The following BAZ1B variants were observed in gnomAD, a reference collection of about 807,000 sequenced individuals.
The protein encoded by BAZ1B is tyrosine-protein kinase BAZ1B.
Under a neutral mutation model 153.8 loss-of-function variants are expected in BAZ1B, and 22 were observed. That is an observed-to-expected ratio of 0.14 (90% CI 0.10 to 0.20). BAZ1B has a LOEUF of 0.20. BAZ1B is among the 10% of genes least tolerant of loss of function. BAZ1B has a pLI of 1.00. For synonymous variants in BAZ1B, 676 were observed against 633.4 expected, an observed-to-expected ratio of 1.07 and a Z score of -1.01; for missense variants, 1,325 against 1,799.3, an observed-to-expected ratio of 0.74 and a Z score of 4.77.
intron 15 of BAZ1B, among the ~76,000 whole-genome samples, chr7:73,449,236 A>T (rs1212219687): frequency 6.6e-6 from 1 of 152,222 alleles, no homozygotes; most frequent in Admixed American, 6.5e-5. Context: ...AGAAGTAATC[A>T]TGAAGACACA....
At chr7:73,480,664 A>C (rs1200345594) in intron 6 of BAZ1B, among the ~76,000 whole-genome samples, 5 of 152,214 alleles carry the variant, frequency 3.3e-5, no homozygotes, top group African/African-American at 9.7e-5. Flanking sequence ...TTTCAACAGA[A>C]GGGACTAACC....
Position 73,450,707 on chromosome 7 carries a change from T to A in BAZ1B, c.3580+140A>T, listed in dbSNP as rs1788002243. 2 of 965,192 alleles carry A rather than the reference T, an allele frequency of 2.1e-6. No homozygotes were observed. The highest frequency in any genetic ancestry group is 5.2e-5 in the East Asian group (2 of 38,582). 59.8% of individuals were successfully genotyped at this position (965,192 alleles called of 1,614,324 possible). On this transcript the variant is annotated intron_variant, in intron 14 of 19. Coordinates refer to ENST00000339594, the MANE Select transcript of BAZ1B (RefSeq NM_032408.4). The surrounding 1 kb of genome is among the most constrained non-coding windows in gnomAD (Gnocchi z 4.1). ...CACGACATTTCAAAGACTGGCATGT[T>A]ACAGACCTGCAGGAGAGTAAAATCT...
At chr7:73,454,588 G>A (rs1788128029) in intron 13 of BAZ1B, among the ~76,000 whole-genome samples, 2 of 152,170 alleles carry the variant, frequency 1.3e-5, no homozygotes, top group Non-Finnish European at 2.9e-5. Context: ...TAAATGGGGA[G>A]GACAAACAAG....
intron 1 of BAZ1B, among the ~76,000 whole-genome samples, chr7:73,513,868 T>TA (rs1230687919): frequency 6.7e-6 from 1 of 148,772 alleles, no homozygotes; most frequent in Non-Finnish European, 1.5e-5. Context: ...AAAAAACTAT[T>TA]AAAAGAAAAA....
At position 73,522,082 on chromosome 7, in the gene BAZ1B, C is replaced by A. The variant is rs1389253803; in HGVS notation, c.-149G>T. On this transcript the variant is annotated 5_prime_UTR_variant, in exon 1 of 20. Transcript: ENST00000339594. ...GGCGGCGCGAACTCCGGCTCCCTCA[C>A]CGCCGGCGCGGCCGCGCGACAGTCA... The A allele has an allele frequency of 2.1e-6, 1 of 487,010 alleles. No homozygotes were observed. Among genetic ancestry groups the A allele is most frequent in the African/African-American group, 2.0e-5 (1 of 49,898 alleles). 30.2% of individuals were successfully genotyped at this position (487,010 alleles called of 1,614,324 possible).
intron 4 of BAZ1B, among the ~76,000 whole-genome samples, chr7:73,496,804 G>A (rs1228818505): frequency 6.6e-6 from 1 of 151,992 alleles, no homozygotes; most frequent in African/African-American, 2.4e-5. Flanking sequence ...CAGCATGGGG[G>A]TTAGGGCTCT....
intron 1 of BAZ1B, among the ~76,000 whole-genome samples, chr7:73,515,808 C>G (rs1790775607): frequency 6.6e-6 from 1 of 152,138 alleles, no homozygotes; most frequent in Non-Finnish European, 1.5e-5. Flanking sequence ...TCCCAAAGTG[C>G]TGGCATGAAC....
intron 3 of BAZ1B, among the ~76,000 whole-genome samples, chr7:73,505,618 T>C (rs1048981756): frequency 3.4e-5 from 5 of 149,076 alleles, no homozygotes; most frequent in East Asian, 1.9e-4. Flanking sequence ...AATTAAACAT[T>C]TGTCCTGAGA....
intron 1 of BAZ1B, among the ~76,000 whole-genome samples, chr7:73,521,366 C>T (rs1303648659): frequency 6.6e-6 from 1 of 152,170 alleles, no homozygotes; most frequent in Non-Finnish European, 1.5e-5. Flanking sequence ...GTCTTGCACA[C>T]GCCGCATCAC....
chr7:73,449,988 TTGC>T (rs1213939778), intron 14 of BAZ1B, among the ~76,000 whole-genome samples: 5 of 152,100 alleles, frequency 3.3e-5, no homozygotes, highest in Non-Finnish European at 7.4e-5. Flanking sequence ...GTAGGAAATT[TTGC>T]TGCTTTTTCG....
At position 73,508,312 on chromosome 7, in the gene BAZ1B, C is replaced by T. The variant is rs782363224; in HGVS notation, c.369+15G>A. 11 of 1,608,314 alleles carry T rather than the reference C, an allele frequency of 6.8e-6. No homozygotes were observed. The highest frequency in any genetic ancestry group is 1.6e-4 in the Middle Eastern group (1 of 6,062). On this transcript the variant is annotated intron_variant, in intron 3 of 19. Transcript: ENST00000339594. ...TTCTGATGGTAAGTCAAATCAGAAA[C>T]GAACAGGCACTCACCTCGAAGTCAC...
At chr7:73,472,937 C>T (rs573845842) in intron 7 of BAZ1B, among the ~76,000 whole-genome samples, 1 of 150,414 alleles carries the variant, frequency 6.6e-6, no homozygotes, top group Non-Finnish European at 1.5e-5. Flanking sequence ...CCACACCCAG[C>T]TGATCTTTTT....
intron 3 of BAZ1B, among the ~76,000 whole-genome samples, chr7:73,499,359 T>C (rs569970223): frequency 2.3e-3 from 345 of 152,248 alleles, no homozygotes; most frequent in Non-Finnish European, 4.3e-3. Context: ...CAACTGTATA[T>C]GGATATACAA....
rs1156829240 is a variant in BAZ1B, at chr7:73,497,065, C to CAAAAAAAAAAAAAAAAAAA, written c.571+1431_571+1432insTTTTTTTTTTTTTTTTTTT. On this transcript the variant is annotated intron_variant, in intron 4 of 19. Transcript: ENST00000339594. ...ACAACATCGTGAGAACTGACCTCTA[C>CAAAAAAAAAAAAAAAAAAA]AAAAAAAAAAAAAAAAAACCTACAA... is the stretch of plus-strand genomic sequence containing the variant. 5.2e-3 allele frequency among the ~76,000 whole-genome samples: 258 copies of CAAAAAAAAAAAAAAAAAAA among 49,420 alleles called. 7 individuals are homozygous for CAAAAAAAAAAAAAAAAAAA. The highest frequency in any genetic ancestry group is 0.019 in the African/African-American group (210 of 11,242). 32.4% of individuals were successfully genotyped at this position (49,420 alleles called of 152,430 possible).
At chr7:73,514,003 G>A (rs1336319917) in intron 1 of BAZ1B, among the ~76,000 whole-genome samples, 3 of 152,104 alleles carry the variant, frequency 2.0e-5, no homozygotes, top group African/African-American at 4.8e-5. Context: ...GCTTAGAACC[G>A]GGAGTATTTT....
At chr7:73,459,500 C>T (rs781880085) in intron 13 of BAZ1B, 36 bp downstream of exon 13, 23 of 1,593,668 alleles carry the variant, frequency 1.4e-5, no homozygotes, top group South Asian at 5.6e-5. Context: ...AACTCATCTA[C>T]GGAATCATAA....
intron 12 of BAZ1B, among the ~76,000 whole-genome samples, chr7:73,460,176 G>A (rs1270150778): frequency 4.3e-5 from 6 of 139,186 alleles, no homozygotes; most frequent in African/African-American, 1.6e-4. Flanking sequence ...GTGACACAGC[G>A]AGACTCCGTC....
intron 11 of BAZ1B, chr7:73,463,995 C>G (rs955440289): frequency 1.0e-5 from 5 of 502,282 alleles, no homozygotes; most frequent in Non-Finnish European, 1.0e-5. Context: ...CGTGAGCCAC[C>G]GCGGCCGGCC....
intron 1 of BAZ1B, among the ~76,000 whole-genome samples, chr7:73,521,068 C>A (rs149546981): frequency 7.7e-4 from 117 of 152,266 alleles, no homozygotes; most frequent in African/African-American, 2.6e-3. Context: ...TTTCATGTTC[C>A]TAAAATACAA....
Sources: allele counts gnomAD v4.1 joint callset (sites outside exome capture counted in the v4.1 genomes callset), GRCh38; gene constraint gnomAD v4.1.1; non-coding constraint Gnocchi (gnomAD v3.1); transcripts MANE v1.5; gene names NCBI Gene and HGNC (gene_info 2026-07-23, HGNC 2026-07-21).